Variants in ZSCAN25 observed in about 807,000 individuals in gnomAD.
The protein encoded by ZSCAN25 is zinc finger and SCAN domain containing 25, also known as zinc finger and SCAN domain-containing protein 25.
A neutral mutation model predicts 38.7 loss-of-function variants in ZSCAN25; 27 were observed. That is an observed-to-expected ratio of 0.70 (90% CI 0.51 to 0.96). The LOEUF is 0.96. ZSCAN25 is among the 40% of genes least tolerant of loss of function. ZSCAN25 has a pLI of 0.00. For synonymous variants in ZSCAN25, 273 were observed against 277.7 expected, an observed-to-expected ratio of 0.98 and a Z score of 0.17; for missense variants, 637 against 705.9, an observed-to-expected ratio of 0.90 and a Z score of 1.11.
At chr7:99,710,829 G>C in the ZSCAN25 span, 7 of 1,613,834 alleles carry the variant, frequency 4.3e-6, no homozygotes, top group Non-Finnish European at 5.9e-6. Context: ...AACACTGCTC[G>C]TGGTTTCATA....
At chr7:99,716,276 C>T in the ZSCAN25 span, among the ~76,000 whole-genome samples, 1 of 152,182 alleles carries the variant, frequency 6.6e-6, no homozygotes, top group East Asian at 1.9e-4. Flanking sequence ...AAAATTCACT[C>T]TTTCTAAGGG....
chr7:99,653,479 A>AAATAAATG, the ZSCAN25 span, among the ~76,000 whole-genome samples: 3 of 151,796 alleles, frequency 2.0e-5, no homozygotes, highest in East Asian at 5.8e-4. The surrounding 1 kb of genome is among the most constrained non-coding windows in gnomAD (Gnocchi z 4.2). Context: ...ATAAATAAAT[A>AAATAAATG]AATAAATTTG....
chr7:99,647,381 G>A, the ZSCAN25 span: 1 of 595,904 alleles, frequency 1.7e-6, no homozygotes, highest in Non-Finnish European at 2.1e-6. Context: ...TTCAGAAAAG[G>A]AGGGAAAATG....
At chr7:99,735,880 C>CT in the ZSCAN25 span, among the ~76,000 whole-genome samples, 1 of 152,164 alleles carries the variant, frequency 6.6e-6, no homozygotes. Flanking sequence ...GTTGACTTGG[C>CT]TGAGATTGCT....
the ZSCAN25 span, chr7:99,662,825 A>G: frequency 1.2e-6 from 2 of 1,613,776 alleles, no homozygotes; most frequent in Admixed American, 1.7e-5. The surrounding 1 kb of genome is among the most constrained non-coding windows in gnomAD (Gnocchi z 4.3). Flanking sequence ...CCTTTGTGGG[A>G]CTCAGTTTCT....
chr7:99,654,263 GA>G, the ZSCAN25 span, among the ~76,000 whole-genome samples: 1 of 151,890 alleles, frequency 6.6e-6, no homozygotes, highest in African/African-American at 2.4e-5. Context: ...CCCAGTGTGT[GA>G]TATTCCCCTT....
chr7:99,629,219 A>C lies in ZSCAN25; in HGVS notation c.834A>C (p.Lys278Asn), dbSNP rs770370654. 3 of 1,611,782 alleles carry C rather than the reference A, an allele frequency of 1.9e-6. No individual in the cohort carries two copies. The highest frequency in any genetic ancestry group is 2.5e-6 in the Non-Finnish European group (3 of 1,179,122). The change falls in exon 8 of 8, where the codon AAA becomes AAC. Residue 278 changes from lysine (K) to asparagine (N), a missense_variant. Transcript: ENST00000394152. This position sits in a 1 kb window ranked among gnomAD's most constrained non-coding sequence, Gnocchi z 5.6. ...PGGGSKEKEAKPPQEDLKGAL... is the reference protein window; with the variant it reads ...PGGGSKEKEANPPQEDLKGAL... ...GTGGGAGCAAGGAAAAGGAGGCAAA[A>C]CCCCCACAGGAAGACCTGAAAGGGG...
intron 1 of ZSCAN25, among the ~76,000 whole-genome samples, chr7:99,617,414 C>T (rs1013710233): frequency 5.9e-5 from 9 of 152,346 alleles, no homozygotes; most frequent in African/African-American, 2.2e-4. Flanking sequence ...GAGACCCTGT[C>T]TCTACAAAAA....
At chr7:99,665,322 G>A in the ZSCAN25 span, 1 of 1,614,032 alleles carries the variant, frequency 6.2e-7, no homozygotes, top group Admixed American at 1.7e-5. Context: ...ATGCTGAGTG[G>A]AGAAAGATAT....
At chr7:99,674,063 A>G in the ZSCAN25 span, among the ~76,000 whole-genome samples, 1 of 152,234 alleles carries the variant, frequency 6.6e-6, no homozygotes. Context: ...AAGGCTATGA[A>G]GAGAGGATTC....
chr7:99,621,254 C>T lies in ZSCAN25; in HGVS notation c.388-119C>T, dbSNP rs1806927959. On this transcript the variant is annotated intron_variant, in intron 4 of 7. Coordinates refer to ENST00000394152, the MANE Select transcript of ZSCAN25 (RefSeq NM_145115.3). ...GGAAGAGCTCAGCTGATTTTTCCTT[C>T]CTCTCCCCTGAAGCTGGAATGGTTC... is the stretch of plus-strand genomic sequence containing the variant. 9.9e-6 allele frequency: 9 copies of T among 911,812 alleles called. No individual in the cohort carries two copies. In the South Asian group the frequency reaches 3.6e-4, roughly 36 times the overall value. The allele number at this position is 911,812 out of a possible 1,614,324, so 56.5% of individuals were successfully genotyped here. A position where few individuals can be genotyped will look rare whatever the true frequency, so the allele number is the denominator to read the frequency against.
At chr7:99,693,751 C>T in the ZSCAN25 span, among the ~76,000 whole-genome samples, 41 of 152,350 alleles carry the variant, frequency 2.7e-4, no homozygotes, top group Admixed American at 6.5e-4. Context: ...CTGCCTGTTG[C>T]TAAGACTCAG....
At chr7:99,652,771 A>G in the ZSCAN25 span, 7 of 1,604,786 alleles carry the variant, frequency 4.4e-6, no homozygotes, top group South Asian at 7.7e-5. Flanking sequence ...CATCATAGGT[A>G]GGTGGTGCCT....
chr7:99,646,904 C>T, the ZSCAN25 span, among the ~76,000 whole-genome samples: 1 of 151,602 alleles, frequency 6.6e-6, no homozygotes, highest in African/African-American at 2.4e-5. Flanking sequence ...TATTATCTAT[C>T]TATCATCTGT....
the ZSCAN25 span, chr7:99,695,800 G>T: frequency 4.6e-5 from 74 of 1,613,620 alleles, no homozygotes; most frequent in African/African-American, 8.0e-5. Flanking sequence ...GCCCTGGAAT[G>T]CCAAGCTTCT....
chr7:99,660,473 T>G, the ZSCAN25 span: 1 of 1,575,580 alleles, frequency 6.3e-7, no homozygotes, highest in Middle Eastern at 1.7e-4. Flanking sequence ...ACCTCTTCCC[T>G]TCATCTCCAG....
At position 99,621,505 on chromosome 7, in the gene ZSCAN25, C is replaced by T; in HGVS notation, c.520C>T (p.Pro174Ser). ...GCCCCCTGGGGAAGGAGTTCAAGGT[C>T]CAGACCCAGGTACCGAGGAGCAGCT... ...GMPPGEGVQG[P>S]DPGTEEQLSQ... Residue 174 changes from proline (P) to serine (S), a missense_variant, in exon 5 of 8, where the codon CCA becomes TCA. Transcript: ENST00000394152. The T allele has an allele frequency of 6.4e-7, 1 of 1,574,446 alleles. No individual in the cohort carries two copies.
At chr7:99,731,670 CT>C in the ZSCAN25 span, among the ~76,000 whole-genome samples, 1 of 152,206 alleles carries the variant, frequency 6.6e-6, no homozygotes, top group Non-Finnish European at 1.5e-5. Context: ...GGCTTTTAAG[CT>C]TTCCCTTCAC....
At chr7:99,654,971 GATA>G in the ZSCAN25 span, among the ~76,000 whole-genome samples, 1 of 152,298 alleles carries the variant, frequency 6.6e-6, no homozygotes, top group East Asian at 1.9e-4. Context: ...GTAGATTCTG[GATA>G]TTAGCCCTTT....
Sources: allele counts gnomAD v4.1 joint callset (sites outside exome capture counted in the v4.1 genomes callset), GRCh38; gene constraint gnomAD v4.1.1; non-coding constraint Gnocchi (gnomAD v3.1); transcripts MANE v1.5; gene names NCBI Gene and HGNC (gene_info 2026-07-23, HGNC 2026-07-21).